Variants in SLC28A2 observed in about 807,000 individuals in gnomAD.
SLC28A2 encodes solute carrier family 28 member 2, also known as sodium/nucleoside cotransporter 2.
SLC28A2 carries 69 observed loss-of-function variants against 72.9 expected under a neutral mutation model. That is an observed-to-expected ratio of 0.95 (90% CI 0.78 to 1.16). The LOEUF (loss-of-function observed/expected upper bound fraction) is 1.16, where lower values mean the gene tolerates loss of function less well. SLC28A2 is among the 50% of genes most tolerant of loss of function. The pLI is 0.00. For synonymous variants in SLC28A2, 296 were observed against 294.1 expected, an observed-to-expected ratio of 1.01 and a Z score of -0.07; for missense variants, 745 against 791.1, an observed-to-expected ratio of 0.94 and a Z score of 0.70.
At chr15:45,252,844 G>C (rs1378727493) in intron 1 of SLC28A2, among the ~76,000 whole-genome samples, 1 of 152,152 alleles carries the variant, frequency 6.6e-6, no homozygotes, top group Non-Finnish European at 1.5e-5. Context: ...AAAAGGAGTA[G>C]TTACCCTGTG....
At chr15:45,267,953 C>T (rs1465118310) in intron 12 of SLC28A2, among the ~76,000 whole-genome samples, 157 bp downstream of exon 12, 1 of 152,142 alleles carries the variant, frequency 6.6e-6, no homozygotes, top group African/African-American at 2.4e-5. Flanking sequence ...TGGTTTTCTT[C>T]ATTTAACCCT....
rs1595677794 is a variant in SLC28A2 at position 45,266,107 on chromosome 15, G to A, written c.888G>A (p.Met296Ile). The change falls in exon 10 of 18, where the codon ATG (methionine) becomes ATA (isoleucine). Residue 296 changes from methionine to isoleucine, a missense_variant. By Grantham distance (10) the Met-to-Ile change is conservative (BLOSUM62 1). Coordinates refer to ENST00000347644, the MANE Select transcript of SLC28A2 (RefSeq NM_004212.4). Reference sequence around the variant, plus strand: ...TCGCCTGGTTTTTACAAATCACTATGGGCACCACTGCTACAGAGACCCTGG... The same window carrying A: ...TCGCCTGGTTTTTACAAATCACTATAGGCACCACTGCTACAGAGACCCTGG... ...QKVAWFLQIT[M>I]GTTATETLAV... The A allele has an allele frequency of 6.2e-7, 1 of 1,613,480 alleles. No individual in the cohort carries two copies. The highest frequency in any genetic ancestry group is 2.2e-5 in the East Asian group (1 of 44,872).
chr15:45,273,102 G>A (rs556923375), intron 17 of SLC28A2, among the ~76,000 whole-genome samples: 1 of 152,312 alleles, frequency 6.6e-6, no homozygotes, highest in South Asian at 2.1e-4. Context: ...CAAAGTGGGA[G>A]GATGGTTTGA....
intron 3 of SLC28A2, among the ~76,000 whole-genome samples, chr15:45,254,504 G>A (rs1265681598): frequency 1.3e-5 from 2 of 152,178 alleles, no homozygotes; most frequent in Admixed American, 1.3e-4. Flanking sequence ...CAGATTTGCA[G>A]CCTAAGAATA....
intron 3 of SLC28A2, among the ~76,000 whole-genome samples, chr15:45,258,695 C>A (rs1385195395): frequency 2.0e-5 from 3 of 152,106 alleles, no homozygotes; most frequent in African/African-American, 7.2e-5. Context: ...TTTTTAATTG[C>A]TGTATAGTAT....
At chr15:45,257,380 A>G (rs191664451) in intron 3 of SLC28A2, among the ~76,000 whole-genome samples, 1 of 152,248 alleles carries the variant, frequency 6.6e-6, no homozygotes, top group Admixed American at 6.5e-5. Context: ...TATATCCCCT[A>G]TACTGGACTG....
chr15:45,264,139 C>T, intron 6 of SLC28A2, 117 bp downstream of exon 6: 1 of 979,060 alleles, frequency 1.0e-6, no homozygotes, highest in Non-Finnish European at 1.4e-6. Flanking sequence ...TCATAACAAC[C>T]CCTAGAATTT....
chr15:45,253,161 G>T lies in SLC28A2; in HGVS notation c.-16-39G>T. ...TCTCCCCATCCCCACAGAACAGAAT[G>T]ACCAATCTTTCAGGCTTGGCCCTGA... is the stretch of plus-strand genomic sequence containing the variant. On this transcript the variant is annotated intron_variant, in intron 1 of 17. Transcript: ENST00000347644. 6 of 1,377,278 alleles carry T rather than the reference G, an allele frequency of 4.4e-6. No homozygotes were observed. In the South Asian group the frequency reaches 7.2e-5, roughly 16 times the overall value. 85.3% of individuals were successfully genotyped at this position (1,377,278 alleles called of 1,614,324 possible).
Position 45,260,801 on chromosome 15 carries a change from A to C in SLC28A2, c.171-1214A>C, listed in dbSNP as rs550957233. ...AGAAAAGCAAAGCAAAGCAAAGCAG[A>C]GTTCTTGAGATCCTAAAGAATCATC... On this transcript the variant is annotated intron_variant, in intron 3 of 17. Coordinates refer to ENST00000347644, the MANE Select transcript of SLC28A2 (RefSeq NM_004212.4). Among the ~76,000 whole-genome samples the C allele has an allele frequency of 1.3e-4, 20 of 152,298 alleles. No individual in the cohort carries two copies. In the East Asian group the frequency reaches 3.5e-3, roughly 26 times the overall value.
At chr15:45,261,950 G>C in intron 3 of SLC28A2, 65 bp from the exon 4 acceptor site, 1 of 997,750 alleles carries the variant, frequency 1.0e-6, no homozygotes, top group Non-Finnish European at 1.6e-6. Context: ...TCTGAATTCT[G>C]AGAGTTGAAT....
rs1231678163 is a variant in SLC28A2 at position 45,264,693 on chromosome 15, A to G, written c.627A>G (p.Gln209=). The G allele has an allele frequency of 1.9e-6, 3 of 1,613,746 alleles. No individual in the cohort carries two copies. Among genetic ancestry groups the G allele is most frequent in the African/African-American group, 2.7e-5 (2 of 74,886 alleles). The change falls in exon 7 of 18, where the codon CAA becomes CAG. Residue 209 remains glutamine, a synonymous_variant. Transcript: ENST00000347644. The part of the protein sequence containing the change: ...WRTVFSGLGL[Q]FVFGILVIRT... Reference sequence around the variant, plus strand: ...CAGTGTTTTCGGGCCTAGGTCTTCAATTTGTCTTTGGGATCTTGGTCATCA... The same window carrying G: ...CAGTGTTTTCGGGCCTAGGTCTTCAGTTTGTCTTTGGGATCTTGGTCATCA...
rs763168685 is a variant in SLC28A2 at position 45,253,255 on chromosome 15, A to G, written c.40A>G (p.Thr14Ala). ...ASGRQSIALS[T>A]VETGTVNPGL... Reference sequence around the variant, plus strand: ...TGGAAGACAGTCCATTGCTCTGTCCACAGTGGAGACTGGCACAGTGAACCC... The same window carrying G: ...TGGAAGACAGTCCATTGCTCTGTCCGCAGTGGAGACTGGCACAGTGAACCC... The change falls in exon 2 of 18, where the codon ACA (threonine) becomes GCA (alanine). Residue 14 changes from threonine to alanine, a missense_variant. Coordinates refer to ENST00000347644, the MANE Select transcript of SLC28A2 (RefSeq NM_004212.4). The G allele has an allele frequency of 8.1e-6, 13 of 1,613,766 alleles. No individual in the cohort carries two copies. The African/African-American group carries it at 1.1e-4, about 13-fold the overall frequency.
chr15:45,272,726 A>G lies in SLC28A2; in HGVS notation c.1801A>G (p.Thr601Ala). The G allele has an allele frequency of 1.2e-6, 2 of 1,613,424 alleles. No individual in the cohort carries two copies. Among genetic ancestry groups the G allele is most frequent in the Non-Finnish European group, 1.7e-6 (2 of 1,179,408 alleles). ...AEADCVSFPN[T>A]SFTNRTYETY... ...AGCTGACTGTGTCTCCTTCCCAAAC[A>G]CAAGTTTCACCAATAGAACCTATGA... Residue 601 changes from threonine to alanine, a missense_variant, in exon 17 of 18, where the codon ACA (threonine) becomes GCA (alanine). Thr to Ala is a moderately conservative substitution (Grantham distance 58). Coordinates refer to ENST00000347644, the MANE Select transcript of SLC28A2 (RefSeq NM_004212.4).
In SLC28A2 at chr15:45,275,588, G is replaced by A; in HGVS notation, c.*75G>A. The A allele has an allele frequency of 1.1e-6, 1 of 884,368 alleles. No individual in the cohort carries two copies. The highest frequency in any genetic ancestry group is 1.9e-6 in the Non-Finnish European group (1 of 538,156). 54.8% of individuals were successfully genotyped at this position (884,368 alleles called of 1,614,324 possible). On this transcript the variant is annotated 3_prime_UTR_variant, in exon 18 of 18. Coordinates refer to ENST00000347644, the MANE Select transcript of SLC28A2 (RefSeq NM_004212.4). ...TTGCAAAGGTGTTTATGTACTCAGG[G>A]TGCCCACAACTCACTCACCAAGATG... is the stretch of plus-strand genomic sequence containing the variant.
chr15:45,265,779 C>A (rs1287938841), intron 9 of SLC28A2, 116 bp downstream of exon 9: 6 of 768,090 alleles, frequency 7.8e-6, no homozygotes, highest in Non-Finnish European at 1.4e-5. Flanking sequence ...AAAAGGCAGG[C>A]CCTCTCAAGC....
chr15:45,273,441 G>A (rs902325930), intron 17 of SLC28A2, among the ~76,000 whole-genome samples: 1 of 152,188 alleles, frequency 6.6e-6, no homozygotes, highest in African/African-American at 2.4e-5. Context: ...AAAGATTTGA[G>A]GAACTAGAAT....
chr15:45,265,251 T>G, intron 8 of SLC28A2, 85 bp downstream of exon 8: 1 of 969,078 alleles, frequency 1.0e-6, no homozygotes, highest in Non-Finnish European at 1.7e-6. Context: ...GTCCAAGAGA[T>G]CAGCGCCCCT....
At chr15:45,262,209 A>G in intron 4 of SLC28A2, 103 bp downstream of exon 4, 1 of 759,808 alleles carries the variant, frequency 1.3e-6, no homozygotes, top group Non-Finnish European at 2.3e-6. Flanking sequence ...TTCAAAACTG[A>G]TCTAAAAAGC....
At position 45,275,481 on chromosome 15, in the gene SLC28A2, T is replaced by C. The variant is rs1453407232; in HGVS notation, c.1945T>C (p.Cys649Arg). ...CAGTGCTATGGCCCTTACTAACTGC[T>C]GTGGATTCTACAACAATACCGTCTG... ...EFSAMALTNC[C>R]GFYNNTVCA The change falls in exon 18 of 18, where the codon TGT (cysteine) becomes CGT (arginine). Residue 649 changes from cysteine to arginine, a missense_variant. Physicochemically the swap from Cys to Arg is radical, Grantham distance 180. Coordinates refer to ENST00000347644, the MANE Select transcript of SLC28A2 (RefSeq NM_004212.4). The C allele has an allele frequency of 6.2e-7, 1 of 1,610,204 alleles. No individual in the cohort carries two copies. The highest frequency in any genetic ancestry group is 8.5e-7 in the Non-Finnish European group (1 of 1,176,378).
Sources: gnomAD v4.1 joint callset for allele counts (sites outside exome capture counted in the v4.1 genomes callset) on GRCh38, gnomAD v4.1.1 for gene constraint, MANE v1.5 for transcripts, NCBI Gene and HGNC (gene_info 2026-07-23, HGNC 2026-07-21) for gene names.